The following KCTD8 variants were observed in gnomAD, a reference collection of about 807,000 sequenced individuals.
KCTD8 encodes BTB/POZ domain-containing protein KCTD8.
In KCTD8, 27 loss-of-function variants were observed where a neutral mutation model predicts 31.5. That is an observed-to-expected ratio of 0.86 (90% confidence interval 0.63 to 1.18). KCTD8 has a LOEUF of 1.18. Ranked by LOEUF, KCTD8 falls within the 50% of genes most tolerant of loss-of-function variation. KCTD8 has a pLI of 0.00. For missense variants in KCTD8, 658 were observed against 647.7 expected (o/e 1.02, Z -0.17); for synonymous variants, 290 against 280.0 (o/e 1.04, Z -0.36).
At chr4:44,398,800 A>T (rs889822050) in intron 1 of KCTD8, among the ~76,000 whole-genome samples, 2 of 152,182 alleles carry the variant, frequency 1.3e-5, no homozygotes, top group African/African-American at 4.8e-5. Flanking sequence ...TGGAAGAAAC[A>T]GCATTTACTG....
intron 1 of KCTD8, among the ~76,000 whole-genome samples, chr4:44,216,826 C>G (rs568708333): frequency 6.6e-6 from 1 of 152,226 alleles, no homozygotes; most frequent in African/African-American, 2.4e-5. Flanking sequence ...TGTATGCATT[C>G]ATGAGTGCGC....
chr4:44,326,727 T>G (rs1718450678), intron 1 of KCTD8, among the ~76,000 whole-genome samples: 1 of 151,908 alleles, frequency 6.6e-6, no homozygotes, highest in Non-Finnish European at 1.5e-5. Flanking sequence ...TCTACTTAGG[T>G]TTTTTCTCTT....
At chr4:44,237,318 C>T (rs1715322154) in intron 1 of KCTD8, among the ~76,000 whole-genome samples, 1 of 152,130 alleles carries the variant, frequency 6.6e-6, no homozygotes, top group South Asian at 2.1e-4. Context: ...TAGTATCTCT[C>T]CCTCCCTTCC....
At chr4:44,372,166 T>C (rs1234147825) in intron 1 of KCTD8, among the ~76,000 whole-genome samples, 2 of 152,204 alleles carry the variant, frequency 1.3e-5, no homozygotes, top group Non-Finnish European at 2.9e-5. Flanking sequence ...ATCAGACTGA[T>C]GTAATACAGT....
At chr4:44,302,038 C>T (rs977961849) in intron 1 of KCTD8, among the ~76,000 whole-genome samples, 48 of 152,048 alleles carry the variant, frequency 3.2e-4, no homozygotes, top group Admixed American at 2.6e-4. Context: ...AGATATGTGG[C>T]GTTATTTCTG....
intron 1 of KCTD8, among the ~76,000 whole-genome samples, chr4:44,433,825 T>C (rs547215235): frequency 1.3e-5 from 2 of 151,732 alleles, no homozygotes; most frequent in East Asian, 3.9e-4. Flanking sequence ...ATACCACCTA[T>C]ATAGCACTAG....
intron 1 of KCTD8, among the ~76,000 whole-genome samples, chr4:44,437,375 C>T (rs1278781154): frequency 1.3e-5 from 2 of 152,130 alleles, no homozygotes; most frequent in African/African-American, 4.8e-5. Context: ...AATATGTTCA[C>T]TACTGTTTAC....
intron 1 of KCTD8, among the ~76,000 whole-genome samples, chr4:44,217,163 A>C (rs1714673434): frequency 6.6e-6 from 1 of 152,226 alleles, no homozygotes; most frequent in African/African-American, 2.4e-5. Context: ...TTGAGAGCCC[A>C]CTATGTGATA....
At chr4:44,227,580 C>T (rs1178150158) in intron 1 of KCTD8, among the ~76,000 whole-genome samples, 1 of 152,186 alleles carries the variant, frequency 6.6e-6, no homozygotes, top group African/African-American at 2.4e-5. Context: ...TGAAACCCAC[C>T]TACTAAATTA....
intron 1 of KCTD8, among the ~76,000 whole-genome samples, chr4:44,376,792 T>C (rs1272150431): frequency 2.0e-5 from 3 of 152,120 alleles, no homozygotes; most frequent in Non-Finnish European, 2.9e-5. Context: ...AGATCACTTT[T>C]GGTTTGGGTC....
At chr4:44,264,490 T>G (rs539158182) in intron 1 of KCTD8, among the ~76,000 whole-genome samples, 1 of 152,326 alleles carries the variant, frequency 6.6e-6, no homozygotes, top group South Asian at 2.1e-4. Flanking sequence ...CATTTCCATC[T>G]GAGGTAACGG....
At chr4:44,192,967 C>G (rs748848530) in intron 1 of KCTD8, among the ~76,000 whole-genome samples, 2 of 152,170 alleles carry the variant, frequency 1.3e-5, no homozygotes, top group Non-Finnish European at 2.9e-5. Context: ...CTTCCTTGCT[C>G]TTCAGCTTGC....
In KCTD8 at chr4:44,229,760, CTGAA is replaced by C. The variant is rs546778099; in HGVS notation, c.962-54514_962-54511del. ...TGAAAACAAACAGACAAAAATATCT[CTGAA>C]AAAGATTTGATGGTGGATCTACTAA... On this transcript the variant is annotated intron_variant, in intron 1 of 1. Coordinates refer to ENST00000360029, the MANE Select transcript of KCTD8 (RefSeq NM_198353.3). Among the ~76,000 whole-genome samples, 14 of 152,188 alleles carry C rather than the reference CTGAA, an allele frequency of 9.2e-5. No individual in the cohort carries two copies. In the East Asian group the frequency reaches 2.5e-3, roughly 27 times the overall value.
intron 1 of KCTD8, among the ~76,000 whole-genome samples, chr4:44,300,215 C>T (rs1364045110): frequency 1.3e-5 from 2 of 152,026 alleles, no homozygotes; most frequent in African/African-American, 4.8e-5. Context: ...TAAAGCCCTC[C>T]AAAGTTCTGA....
chr4:44,203,818 A>C (rs1459915291), intron 1 of KCTD8, among the ~76,000 whole-genome samples: 1 of 151,686 alleles, frequency 6.6e-6, no homozygotes, highest in Admixed American at 6.6e-5. Flanking sequence ...AGTTTACATA[A>C]ATAAATTTCA....
chr4:44,262,729 T>C (rs1050717231), intron 1 of KCTD8, among the ~76,000 whole-genome samples: 15 of 152,080 alleles, frequency 9.9e-5, no homozygotes, highest in African/African-American at 2.9e-4. Flanking sequence ...TCTCCCTCAT[T>C]GGGTTTTAAA....
intron 1 of KCTD8, among the ~76,000 whole-genome samples, chr4:44,306,530 T>C (rs1490452): frequency 0.5 from 75,320 of 151,802 alleles, 18,870 homozygotes; most frequent in Middle Eastern, 0.62. Context: ...CCAACTGCAC[T>C]GATAAAAGAA....
At chr4:44,385,412 A>G (rs1000114335) in intron 1 of KCTD8, among the ~76,000 whole-genome samples, 7 of 151,868 alleles carry the variant, frequency 4.6e-5, no homozygotes, top group African/African-American at 1.4e-4. Flanking sequence ...TATACGGTAA[A>G]ATGATTTTTG....
chr4:44,304,880 A>T (rs1404567810), intron 1 of KCTD8, among the ~76,000 whole-genome samples: 1 of 151,892 alleles, frequency 6.6e-6, no homozygotes, highest in Non-Finnish European at 1.5e-5. Flanking sequence ...CCTAGCAGGC[A>T]CCTAGAAGGC....
Sources: allele counts gnomAD v4.1 joint callset (sites outside exome capture counted in the v4.1 genomes callset), GRCh38; gene constraint gnomAD v4.1.1; transcripts MANE v1.5; gene names NCBI Gene and HGNC (gene_info 2026-07-23, HGNC 2026-07-21).